The following ASCC2 variants were observed in gnomAD, a reference collection of about 807,000 sequenced individuals.
ASCC2 encodes ASC-1 complex subunit P100.
In ASCC2, 42 loss-of-function variants were observed where a neutral mutation model predicts 93.5. That is an observed-to-expected ratio of 0.45 (90% CI 0.35 to 0.58). The LOEUF (loss-of-function observed/expected upper bound fraction) is 0.58, where lower values mean the gene tolerates loss of function less well. ASCC2 is among the 20% of genes least tolerant of loss of function. The pLI is 0.00. For missense variants in ASCC2, 859 were observed against 977.6 expected (o/e 0.88, Z 1.62); for synonymous variants, 364 against 384.2 (o/e 0.95, Z 0.62).
At chr22:29,803,618 T>G (rs933104520) in intron 13 of ASCC2, among the ~76,000 whole-genome samples, 2 of 152,224 alleles carry the variant, frequency 1.3e-5, no homozygotes, top group South Asian at 2.1e-4. Flanking sequence ...AGCTGGACTG[T>G]GTGGAGATGC....
intron 9 of ASCC2, among the ~76,000 whole-genome samples, chr22:29,807,156 G>A (rs894512793): frequency 1.4e-5 from 2 of 144,662 alleles, no homozygotes; most frequent in Non-Finnish European, 3.0e-5. Context: ...CAGGGGGATC[G>A]CATTCGCCTG....
At chr22:29,794,975 C>T (rs1361146100) in intron 15 of ASCC2, among the ~76,000 whole-genome samples, 1 of 149,298 alleles carries the variant, frequency 6.7e-6, no homozygotes, top group Non-Finnish European at 1.5e-5. Flanking sequence ...TTTTTTGTTA[C>T]AGGCTAGAGT....
In ASCC2 at chr22:29,806,411, G is replaced by A. The variant is rs573566158; in HGVS notation, c.1085+74C>T. The A allele has an allele frequency of 8.8e-5, 138 of 1,572,854 alleles. No individual in the cohort carries two copies. The African/African-American group carries it at 1.1e-3, about 12-fold the overall frequency. On this transcript the variant is annotated intron_variant, in intron 11 of 19. Transcript: ENST00000307790. Reference sequence around the variant, plus strand: ...ATTAGAGCTGTGGTGGGCCTATAGCGGGGGTCTATCATGTAAGGCCTCTTG... The same window carrying A: ...ATTAGAGCTGTGGTGGGCCTATAGCAGGGGTCTATCATGTAAGGCCTCTTG...
At chr22:29,830,909 G>A (rs1265351880) in intron 2 of ASCC2, among the ~76,000 whole-genome samples, 2 of 152,150 alleles carry the variant, frequency 1.3e-5, no homozygotes, top group Non-Finnish European at 2.9e-5. Context: ...CAACCCACAT[G>A]TTCATTCGGT....
chr22:29,789,107 C>G lies in ASCC2; in HGVS notation c.2180G>C (p.Arg727Pro), dbSNP rs373433240. ...CGCCTTGTTGGCTTCCTTCTTCCTG[C>G]GTTCCTGGGTTGTCTCGCGGCTCTG... Reference protein sequence around the residue: ...HGQSRETTQERRKKEANKATR... With the variant: ...HGQSRETTQEPRKKEANKATR... The change falls in exon 20 of 20, where the codon CGC (arginine) becomes CCC (proline). Residue 727 changes from arginine to proline, a missense_variant. Transcript: ENST00000307790. 15 of 1,614,168 alleles carry G rather than the reference C, an allele frequency of 9.3e-6. No homozygotes were observed. In the African/African-American group the frequency reaches 1.5e-4, roughly 16 times the overall value.
intron 15 of ASCC2, among the ~76,000 whole-genome samples, chr22:29,800,073 G>A (rs189983541): frequency 2.6e-5 from 4 of 152,314 alleles, no homozygotes; most frequent in Admixed American, 2.6e-4. Context: ...GGCATGAGCC[G>A]CTGCACCCAG....
At chr22:29,823,709 G>A (rs1671388240) in intron 4 of ASCC2, among the ~76,000 whole-genome samples, 1 of 152,174 alleles carries the variant, frequency 6.6e-6, no homozygotes, top group Non-Finnish European at 1.5e-5. Flanking sequence ...TTAGCTGGGA[G>A]TGGTGGCACA....
intron 1 of ASCC2, among the ~76,000 whole-genome samples, chr22:29,832,952 A>C (rs141520078): frequency 6.6e-6 from 1 of 152,074 alleles, no homozygotes; most frequent in Non-Finnish European, 1.5e-5. Flanking sequence ...TTGATAGATG[A>C]GTTCTTACTA....
intron 5 of ASCC2, among the ~76,000 whole-genome samples, chr22:29,821,153 T>G (rs540666724): frequency 6.6e-6 from 1 of 152,294 alleles, no homozygotes; most frequent in South Asian, 2.1e-4. Flanking sequence ...TTTCTCTTTT[T>G]TTCTTATTTT....
chr22:29,820,036 G>A (rs1191170235), intron 5 of ASCC2, among the ~76,000 whole-genome samples: 4 of 151,720 alleles, frequency 2.6e-5, no homozygotes, highest in African/African-American at 7.3e-5. Flanking sequence ...TTAATTTTTT[G>A]TAGAGACAGG....
chr22:29,803,020 G>T lies in ASCC2; in HGVS notation c.1354-812C>A, dbSNP rs60000955. ...CCAGCACTTTGGGAGGCTGAGGCAG[G>T]TGGATCATCTGAGGTCAGGAGTTTG... On this transcript the variant is annotated intron_variant, in intron 13 of 19. Coordinates refer to ENST00000307790, the MANE Select transcript of ASCC2 (RefSeq NM_032204.5). Among the ~76,000 whole-genome samples, 159 of 152,166 alleles carry T rather than the reference G, an allele frequency of 1.0e-3. 2 individuals are homozygous for T. The South Asian group carries it at 0.018, about 18-fold the overall frequency.
chr22:29,827,827 AC>A (rs2062605210), intron 2 of ASCC2, among the ~76,000 whole-genome samples: 1 of 130,768 alleles, frequency 7.6e-6, no homozygotes, highest in African/African-American at 3.0e-5. Context: ...ACACACACAC[AC>A]ACATACACCC....
chr22:29,804,775 C>G lies in ASCC2; in HGVS notation c.1216G>C (p.Val406Leu). The change falls in exon 13 of 20, where the codon GTG (valine) becomes CTG (leucine). Residue 406 changes from valine (V) to leucine (L), a missense_variant. By Grantham distance (32) the Val-to-Leu change is conservative. Transcript: ENST00000307790. Reference protein sequence around the residue: ...LQAVESAWEGVDRRKATDAKD... With the variant: ...LQAVESAWEGLDRRKATDAKD... ...GCATCTGTGGCTTTCCGTCTGTCCACCCCTTCCCATGCACTCTCGACTGCC... is the reference window on the plus strand; with the variant it reads ...GCATCTGTGGCTTTCCGTCTGTCCAGCCCTTCCCATGCACTCTCGACTGCC... 6.2e-7 allele frequency: 1 copy of G among 1,614,162 alleles called. No homozygotes were observed. Among genetic ancestry groups the G allele is most frequent in the Non-Finnish European group, 8.5e-7 (1 of 1,180,034 alleles).
intron 2 of ASCC2, among the ~76,000 whole-genome samples, chr22:29,831,459 G>C (rs191241455): frequency 3.9e-5 from 6 of 152,298 alleles, no homozygotes; most frequent in African/African-American, 1.2e-4. Context: ...CTGGCACAGG[G>C]CAAGTACTGT....
chr22:29,838,140 C>T lies in ASCC2; in HGVS notation c.-18+38G>A, dbSNP rs572602284. 4 of 461,242 alleles carry T rather than the reference C, an allele frequency of 8.7e-6. No homozygotes were observed. In the East Asian group the frequency reaches 2.7e-4, roughly 31 times the overall value. 28.6% of individuals were successfully genotyped at this position (461,242 alleles called of 1,614,324 possible). On this transcript the variant is annotated intron_variant, in intron 1 of 19. Coordinates refer to ENST00000307790, the MANE Select transcript of ASCC2 (RefSeq NM_032204.5). Reference sequence around the variant, plus strand: ...CATAGCCGCGGCTCCTCCGGGGTCCCTTGCCCTGCATCTGGCAGGGACCAG... The same window carrying T: ...CATAGCCGCGGCTCCTCCGGGGTCCTTTGCCCTGCATCTGGCAGGGACCAG...
At position 29,806,408 on chromosome 22, in the gene ASCC2, A is replaced by G; in HGVS notation, c.1085+77T>C. 5.7e-6 allele frequency: 9 copies of G among 1,574,090 alleles called. 1 individual carries two copies. The South Asian group carries it at 1.0e-4, about 18-fold the overall frequency. On this transcript the variant is annotated intron_variant, in intron 11 of 19. Transcript: ENST00000307790. ...CTTATTAGAGCTGTGGTGGGCCTAT[A>G]GCGGGGGTCTATCATGTAAGGCCTC...
At chr22:29,809,378 C>T (rs1298372657) in intron 8 of ASCC2, among the ~76,000 whole-genome samples, 1 of 151,154 alleles carries the variant, frequency 6.6e-6, no homozygotes, top group African/African-American at 2.4e-5. Flanking sequence ...TTTTTTGAGA[C>T]GAAGTCTAGT....
chr22:29,837,557 G>C (rs1027201849), intron 1 of ASCC2, among the ~76,000 whole-genome samples: 1 of 152,232 alleles, frequency 6.6e-6, no homozygotes, highest in East Asian at 1.9e-4. Flanking sequence ...AAAGCCAAAA[G>C]CTAAGAAAGG....
intron 15 of ASCC2, among the ~76,000 whole-genome samples, chr22:29,794,525 G>A (rs1004355623): frequency 6.6e-6 from 1 of 152,048 alleles, no homozygotes; most frequent in Admixed American, 6.5e-5. Flanking sequence ...GGTAAAATGT[G>A]CGTACCTTTC....
Sources: allele counts gnomAD v4.1 joint callset (sites outside exome capture counted in the v4.1 genomes callset), GRCh38; gene constraint gnomAD v4.1.1; transcripts MANE v1.5; gene names NCBI Gene and HGNC (gene_info 2026-07-23, HGNC 2026-07-21).